The following CPNE4 variants were observed in gnomAD, a reference collection of about 807,000 sequenced individuals.
CPNE4 encodes copine-4.
A neutral mutation model predicts 67.9 loss-of-function variants in CPNE4; 25 were observed. The observed-to-expected ratio is 0.37, with a 90% CI of 0.27 to 0.51. The LOEUF (loss-of-function observed/expected upper bound fraction) is 0.51, where lower values mean the gene tolerates loss of function less well. Among genes scored for constraint, CPNE4 ranks in the 20% least tolerant of loss-of-function variants. CPNE4 has a pLI of 0.93. For synonymous variants in CPNE4, 242 were observed against 244.9 expected (o/e 0.99, Z 0.11); for missense variants, 464 against 690.8 (o/e 0.67, Z 3.68).
chr3:131,762,385 A>G (rs1160660385), intron 2 of CPNE4, among the ~76,000 whole-genome samples: 3 of 152,104 alleles, frequency 2.0e-5, no homozygotes, highest in African/African-American at 7.2e-5. Flanking sequence ...AATCCTCACA[A>G]AAGCCCTAGA....
chr3:131,720,044 A>T (rs529242472), intron 3 of CPNE4, among the ~76,000 whole-genome samples: 1 of 152,306 alleles, frequency 6.6e-6, no homozygotes, highest in South Asian at 2.1e-4. Context: ...AAGTGATCAG[A>T]GTCAACAGCT....
chr3:131,746,175 G>A lies in CPNE4; in HGVS notation c.181-22550C>T, dbSNP rs79497439. 6.6e-3 allele frequency among the ~76,000 whole-genome samples: 1,001 copies of A among 152,046 alleles called. 4 individuals carry two copies. Among genetic ancestry groups the A allele is most frequent in the African/African-American group, 0.023 (947 of 41,500 alleles). On this transcript the variant is annotated intron_variant, in intron 2 of 15. Coordinates refer to ENST00000429747, the MANE Select transcript of CPNE4 (RefSeq NM_130808.3). Reference sequence around the variant, plus strand: ...CAGATAATAAGTGTACATATTTATGGGGTACAACGTGATGTTTAGATTCAC... The same window carrying A: ...CAGATAATAAGTGTACATATTTATGAGGTACAACGTGATGTTTAGATTCAC...
chr3:131,560,783 G>A (rs1440832989), intron 11 of CPNE4, among the ~76,000 whole-genome samples: 1 of 152,002 alleles, frequency 6.6e-6, no homozygotes, highest in African/African-American at 2.4e-5. Context: ...CTCAACCCTG[G>A]ATACCTAGCA....
chr3:131,731,587 C>T (rs767347874), intron 2 of CPNE4, among the ~76,000 whole-genome samples: 4 of 152,052 alleles, frequency 2.6e-5, no homozygotes, highest in African/African-American at 4.8e-5. Context: ...TCTGATTTCT[C>T]GGTTTGTATG....
chr3:131,889,080 A>G (rs2107736758), intron 2 of CPNE4, among the ~76,000 whole-genome samples: 1 of 152,312 alleles, frequency 6.6e-6, no homozygotes, highest in East Asian at 1.9e-4. Flanking sequence ...AGTATTGAAT[A>G]TCTATTAAGT....
intron 5 of CPNE4, among the ~76,000 whole-genome samples, chr3:131,687,682 C>T (rs1181371955): frequency 1.3e-5 from 2 of 152,176 alleles, no homozygotes; most frequent in Non-Finnish European, 2.9e-5. Context: ...GTCTTCAGCT[C>T]AGCAAAATAT....
chr3:131,778,799 T>C (rs760151337), intron 2 of CPNE4, among the ~76,000 whole-genome samples: 5 of 151,980 alleles, frequency 3.3e-5, no homozygotes, highest in Non-Finnish European at 7.4e-5. Context: ...AAACCGGTGC[T>C]GCCACTCCTA....
chr3:131,869,598 T>C (rs2087108466), intron 2 of CPNE4, among the ~76,000 whole-genome samples: 1 of 152,164 alleles, frequency 6.6e-6, no homozygotes, highest in South Asian at 2.1e-4. Flanking sequence ...TAATGGAACA[T>C]TTTTAGATAA....
intron 10 of CPNE4, among the ~76,000 whole-genome samples, chr3:131,567,275 C>T (rs765721525): frequency 5.3e-5 from 8 of 151,984 alleles, no homozygotes; most frequent in Non-Finnish European, 1.0e-4. Flanking sequence ...TGGCAAAATT[C>T]TCCTAGCATG....
intron 1 of CPNE4, among the ~76,000 whole-genome samples, chr3:131,967,502 G>A (rs1467395191): frequency 6.6e-6 from 1 of 152,158 alleles, no homozygotes; most frequent in Admixed American, 6.5e-5. Context: ...AACTCCTAAA[G>A]GTGATAAGCA....
intron 5 of CPNE4, among the ~76,000 whole-genome samples, chr3:131,691,786 C>A (rs374355694): frequency 1.2e-3 from 187 of 152,034 alleles, no homozygotes; most frequent in African/African-American, 4.5e-3. Context: ...AAAAACTGTA[C>A]AAATATCAGG....
At chr3:131,836,595 G>T (rs1459010608) in intron 2 of CPNE4, among the ~76,000 whole-genome samples, 1 of 152,154 alleles carries the variant, frequency 6.6e-6, no homozygotes. Context: ...ATAGCACAGT[G>T]CAACCAGGCA....
chr3:131,594,795 G>A (rs1938745242), intron 7 of CPNE4, among the ~76,000 whole-genome samples: 1 of 152,134 alleles, frequency 6.6e-6, no homozygotes, highest in Non-Finnish European at 1.5e-5. Flanking sequence ...TCTAAACCAT[G>A]TATCTCATAA....
At chr3:131,828,957 C>T (rs2085268541) in intron 2 of CPNE4, among the ~76,000 whole-genome samples, 1 of 152,178 alleles carries the variant, frequency 6.6e-6, no homozygotes, top group South Asian at 2.1e-4. Context: ...ATACCTGAGA[C>T]TGGGCAATTT....
chr3:131,800,734 T>C (rs1243532540), intron 2 of CPNE4, among the ~76,000 whole-genome samples: 1 of 152,124 alleles, frequency 6.6e-6, no homozygotes, highest in East Asian at 1.9e-4. Context: ...CTTAATTCCA[T>C]GGTGAAGGTT....
intron 1 of CPNE4, among the ~76,000 whole-genome samples, chr3:131,908,655 C>T (rs1300134906): frequency 6.6e-6 from 1 of 152,138 alleles, no homozygotes; most frequent in East Asian, 1.9e-4. Flanking sequence ...TTAGGAAATA[C>T]ATATTGTATT....
At chr3:131,642,557 C>A (rs546715214) in intron 7 of CPNE4, among the ~76,000 whole-genome samples, 1 of 152,298 alleles carries the variant, frequency 6.6e-6, no homozygotes, top group East Asian at 1.9e-4. Flanking sequence ...GCAGTTTCCC[C>A]ACTCAAATGT....
chr3:131,830,404 G>T (rs1176581936), intron 2 of CPNE4, among the ~76,000 whole-genome samples: 1 of 152,116 alleles, frequency 6.6e-6, no homozygotes, highest in Admixed American at 6.6e-5. Flanking sequence ...AGATAAGATA[G>T]ATCATTGTTA....
chr3:131,665,683 A>ACAAACAAC (rs1249245228), intron 7 of CPNE4, among the ~76,000 whole-genome samples: 11 of 151,818 alleles, frequency 7.2e-5, no homozygotes, highest in Middle Eastern at 3.4e-3. Context: ...AAACAAACAA[A>ACAAACAAC]CAAAAAACAG....
Sources: allele counts gnomAD v4.1 joint callset (sites outside exome capture counted in the v4.1 genomes callset), GRCh38; gene constraint gnomAD v4.1.1; transcripts MANE v1.5; gene names NCBI Gene and HGNC (gene_info 2026-07-23, HGNC 2026-07-21).